The following PTMA variants were observed in gnomAD, a reference collection of about 807,000 sequenced individuals.
The protein encoded by PTMA is prothymosin alpha.
PTMA carries 4 observed loss-of-function variants against 16.9 expected under a neutral mutation model. The observed-to-expected ratio is 0.24, with a 90% CI of 0.12 to 0.54. PTMA has a LOEUF of 0.54. PTMA is among the 20% of genes least tolerant of loss of function. The pLI, the probability that PTMA is intolerant of heterozygous loss-of-function variation, is 0.95. For synonymous variants in PTMA, 58 were observed against 47.9 expected (o/e 1.21, Z -0.87); for missense variants, 120 against 137.7 (o/e 0.87, Z 0.64).
chr2:231,711,992 C>T lies in PTMA; in HGVS notation c.211+9C>T, dbSNP rs1314737326. 1.9e-6 allele frequency: 3 copies of T among 1,559,754 alleles called. No homozygotes were observed. The highest frequency in any genetic ancestry group is 1.4e-5 in the African/African-American group (1 of 73,432). ...GGAAGAAGAAGGTGATGGTGAGTAG[C>T]CTTGTCTATCTTCCCCTTTTCAGGT... is the stretch of plus-strand genomic sequence containing the variant. On this transcript the variant is annotated intron_variant, in intron 3 of 4. Transcript: ENST00000409115.
intron 4 of PTMA, 47 bp from the exon 5 acceptor site, chr2:231,712,757 A>AGGCAGT: frequency 6.4e-7 from 1 of 1,566,894 alleles, no homozygotes. Flanking sequence ...TGGGCTGGAT[A>AGGCAGT]GGGCTCCTGG....
At chr2:231,710,016 G>A in intron 1 of PTMA, 1 of 1,159,744 alleles carries the variant, frequency 8.6e-7, no homozygotes, top group African/African-American at 1.6e-5. Flanking sequence ...TGAGAACACC[G>A]TCCCCAGTGC....
At position 231,708,583 on chromosome 2, in the gene PTMA, C is replaced by T. The variant is rs1158213703; in HGVS notation, c.-124C>T. Reference sequence around the variant, plus strand: ...ATTGTTCCTCATCCGCCTCCTTGCTCGCCGCAGCCGCCTCCGCCGCGCGCC... The same window carrying T: ...ATTGTTCCTCATCCGCCTCCTTGCTTGCCGCAGCCGCCTCCGCCGCGCGCC... On this transcript the variant is annotated 5_prime_UTR_variant, in exon 1 of 5. Transcript: ENST00000409115. The T allele has an allele frequency of 1.7e-5, 20 of 1,205,074 alleles. No individual in the cohort carries two copies. Among genetic ancestry groups the T allele is most frequent in the East Asian group, 2.4e-5 (1 of 42,364 alleles). The allele number at this position is 1,205,074 out of a possible 1,614,324, so 74.6% of individuals were successfully genotyped here.
chr2:231,708,615 G>C lies in PTMA; in HGVS notation c.-92G>C. ...GCCGCCTCCGCCGCGCGCCTCCTCCGCCGCCGCGGACTCCGGCAGCTTTAT... is the reference window on the plus strand; with the variant it reads ...GCCGCCTCCGCCGCGCGCCTCCTCCCCCGCCGCGGACTCCGGCAGCTTTAT... On this transcript the variant is annotated 5_prime_UTR_variant, in exon 1 of 5. Transcript: ENST00000409115. 2 of 1,547,626 alleles carry C rather than the reference G, an allele frequency of 1.3e-6. No homozygotes were observed. The highest frequency in any genetic ancestry group is 1.1e-5 in the South Asian group (1 of 89,600).
Position 231,708,762 on chromosome 2 carries a change from A to ACGCCGCCCGCCCCCTCGGGGTCCGCGCGC in PTMA, c.45+18_45+46dup. On this transcript the variant is annotated intron_variant, in intron 1 of 4. Coordinates refer to ENST00000409115, the MANE Select transcript of PTMA (RefSeq NM_002823.5). ...GAAATCACCACCAAGGTGAGGCTGG[A>ACGCCGCCCGCCCCCTCGGGGTCCGCGCGC]CGCCGCCCGCCCCCTCGGGGTCCGC... 6.2e-7 allele frequency: 1 copy of ACGCCGCCCGCCCCCTCGGGGTCCGCGCGC among 1,601,116 alleles called. No individual in the cohort carries two copies. The highest frequency in any genetic ancestry group is 8.5e-7 in the Non-Finnish European group (1 of 1,179,074).
intron 1 of PTMA, among the ~76,000 whole-genome samples, 189 bp downstream of exon 1, chr2:231,708,940 CG>C (rs2048476388): frequency 6.6e-6 from 1 of 152,308 alleles, no homozygotes; most frequent in South Asian, 2.1e-4. Flanking sequence ...GGAACCGCCG[CG>C]GGCAGACGTG....
intron 1 of PTMA, 184 bp from the exon 2 acceptor site, chr2:231,711,164 G>A: frequency 1.9e-6 from 1 of 531,292 alleles, no homozygotes; most frequent in Non-Finnish European, 3.4e-6. Flanking sequence ...GATGCCCCCC[G>A]CCGGCCTTCC....
intron 1 of PTMA, chr2:231,710,140 G>A (rs1374729917): frequency 6.4e-6 from 8 of 1,253,476 alleles, no homozygotes; most frequent in Non-Finnish European, 8.1e-6. Flanking sequence ...GCAGCCCGGT[G>A]GACTTTGGGG....
At chr2:231,709,586 G>T (rs935202282) in intron 1 of PTMA, among the ~76,000 whole-genome samples, 1 of 152,160 alleles carries the variant, frequency 6.6e-6, no homozygotes, top group African/African-American at 2.4e-5. Context: ...GGGCGACGCG[G>T]GCCAACACGG....
At chr2:231,711,559 C>T in intron 2 of PTMA, 140 bp downstream of exon 2, 1 of 834,494 alleles carries the variant, frequency 1.2e-6, no homozygotes, top group South Asian at 1.7e-5. Context: ...AGCCAATGAG[C>T]TTTACCCGAG....
At chr2:231,710,250 G>GCA in intron 1 of PTMA, 3 of 1,337,230 alleles carry the variant, frequency 2.2e-6, no homozygotes, top group Non-Finnish European at 2.9e-6. Context: ...ACCGACGCGC[G>GCA]ACCCGCGCGC....
chr2:231,712,676 AC>A, intron 4 of PTMA, 127 bp from the exon 5 acceptor site: 2 of 1,357,708 alleles, frequency 1.5e-6, no homozygotes, highest in Non-Finnish European at 2.0e-6. Flanking sequence ...GCTGGGCTCA[AC>A]TTCCCAGAGG....
Position 231,708,671 on chromosome 2 carries a change from T to C in PTMA, c.-36T>C, listed in dbSNP as rs760336622. The stretch of plus-strand genomic sequence containing the variant: ...GAGTCCCTGAACTCTCGCTTTCTTT[T>C]TAATCCCCTGCATCGGATCACCGGC... On this transcript the variant is annotated 5_prime_UTR_variant, in exon 1 of 5. Transcript: ENST00000409115. 5.0e-6 allele frequency: 8 copies of C among 1,600,098 alleles called. No individual in the cohort carries two copies. In the East Asian group the frequency reaches 1.8e-4, roughly 36 times the overall value.
chr2:231,710,513 C>A (rs1191037050), intron 1 of PTMA: 4 of 926,748 alleles, frequency 4.3e-6, no homozygotes, highest in Admixed American at 5.2e-5. Context: ...ACTGAGAGGG[C>A]CGACAGGTGG....
chr2:231,712,702 G>GC (rs1250333185), intron 4 of PTMA, 102 bp from the exon 5 acceptor site: 32 of 1,438,454 alleles, frequency 2.2e-5, no homozygotes, highest in Non-Finnish European at 2.8e-5. Context: ...GGGCTGTGGA[G>GC]CTGGGGGTCC....
At chr2:231,709,969 C>T (rs1559283832) in intron 1 of PTMA, 3 of 881,962 alleles carry the variant, frequency 3.4e-6, no homozygotes, top group Non-Finnish European at 4.4e-6. Context: ...CTCTCAGTGA[C>T]CCCTTCTGGA....
At chr2:231,712,351 G>A (rs948741656) in intron 3 of PTMA, 92 bp from the exon 4 acceptor site, 1 of 1,346,390 alleles carries the variant, frequency 7.4e-7, no homozygotes, top group South Asian at 1.2e-5. Flanking sequence ...GGCAGGGCAG[G>A]GACCTTGCAG....
intron 1 of PTMA, among the ~76,000 whole-genome samples, chr2:231,709,118 C>G (rs1381171074): frequency 1.3e-5 from 2 of 152,268 alleles, no homozygotes; most frequent in Admixed American, 1.3e-4. Context: ...AACTTTGAAA[C>G]TCAAGCGCGT....
intron 1 of PTMA, 53 bp from the exon 2 acceptor site, chr2:231,711,295 C>A: frequency 6.7e-7 from 1 of 1,494,888 alleles, no homozygotes; most frequent in Non-Finnish European, 9.3e-7. Context: ...CTTTGCTTAC[C>A]CTGGGTTGCT....
Sources: allele counts gnomAD v4.1 joint callset (sites outside exome capture counted in the v4.1 genomes callset), GRCh38; gene constraint gnomAD v4.1.1; transcripts MANE v1.5; gene names NCBI Gene and HGNC (gene_info 2026-07-23, HGNC 2026-07-21).